Variants in ZIM2 observed in about 807,000 individuals in gnomAD.
The protein encoded by ZIM2 is zinc finger protein 656.
ZIM2 carries 14 observed loss-of-function variants against 38.6 expected under a neutral mutation model. The ratio of observed to expected loss-of-function variants is 0.36; its 90% confidence interval spans 0.24 to 0.57. The LOEUF (loss-of-function observed/expected upper bound fraction) is 0.57, where lower values mean the gene tolerates loss of function less well. Ranked by LOEUF, ZIM2 falls within the 20% of genes least tolerant of loss-of-function variation. The pLI, the probability that ZIM2 is intolerant of heterozygous loss-of-function variation, is 0.81. For synonymous variants in ZIM2, 247 were observed against 245.8 expected (o/e 1.00, Z -0.04); for missense variants, 680 against 695.1 (o/e 0.98, Z 0.24).
At chr19:56,835,264 C>T (rs1174428532) in intron 2 of ZIM2, among the ~76,000 whole-genome samples, 7 of 152,132 alleles carry the variant, frequency 4.6e-5, no homozygotes, top group African/African-American at 7.2e-5. Context: ...AAGCACTTCC[C>T]GCTGCACTTA....
chr19:56,838,589 G>A (rs780821137), intron 1 of ZIM2, among the ~76,000 whole-genome samples: 55 of 152,210 alleles, frequency 3.6e-4, no homozygotes, highest in Admixed American at 2.0e-4. Flanking sequence ...GCAACAACAG[G>A]GGAAGGGGTG....
intron 9 of ZIM2, among the ~76,000 whole-genome samples, chr19:56,803,143 G>A (rs1430477649): frequency 6.6e-6 from 1 of 152,136 alleles, no homozygotes; most frequent in Non-Finnish European, 1.5e-5. Context: ...AAAGAAAGGG[G>A]GCAGAAGGGC....
intron 9 of ZIM2, chr19:56,817,059 G>A: frequency 1.2e-6 from 2 of 1,614,112 alleles, no homozygotes; most frequent in Non-Finnish European, 1.7e-6. Context: ...AGATGACACT[G>A]AACGACCTCC....
Position 56,814,442 on chromosome 19 carries a change from A to T in ZIM2, c.490+3304T>A. 6.2e-7 allele frequency: 1 copy of T among 1,613,902 alleles called. No homozygotes were observed. Among genetic ancestry groups the T allele is most frequent in the Non-Finnish European group, 8.5e-7 (1 of 1,179,760 alleles). ...ATAAAGGACTTACCACAATCCTTGCATTCATAGAATGGTATAGCTCCTTTG... is the reference window on the plus strand; with the variant it reads ...ATAAAGGACTTACCACAATCCTTGCTTTCATAGAATGGTATAGCTCCTTTG... On this transcript the variant is annotated intron_variant, in intron 9 of 12. Transcript: ENST00000629319. The surrounding 1 kb of genome is among the most constrained non-coding windows in gnomAD (Gnocchi z 5.8).
intron 7 of ZIM2, 91 bp downstream of exon 7, chr19:56,821,560 G>T: frequency 1.3e-6 from 2 of 1,495,108 alleles, no homozygotes. Flanking sequence ...GGACTCTAGG[G>T]GGCAGATAAA....
At chr19:56,835,705 T>C (rs1212470116) in intron 2 of ZIM2, among the ~76,000 whole-genome samples, 1 of 152,246 alleles carries the variant, frequency 6.6e-6, no homozygotes, top group East Asian at 1.9e-4. Context: ...AGTACACACT[T>C]GATCAATATT....
chr19:56,818,823 G>A, intron 7 of ZIM2, 121 bp from the exon 8 acceptor site: 2 of 1,130,480 alleles, frequency 1.8e-6, no homozygotes, highest in East Asian at 4.8e-5. Flanking sequence ...TCACGGTATT[G>A]GGGTTCTGAG....
intron 12 of ZIM2, among the ~76,000 whole-genome samples, chr19:56,775,955 A>G (rs1348640875): frequency 6.6e-6 from 1 of 151,688 alleles, no homozygotes; most frequent in Non-Finnish European, 1.5e-5. Context: ...CAAAAAATTA[A>G]CTGGGCATGG....
chr19:56,776,100 CAAAA>C (rs56776253), intron 12 of ZIM2, among the ~76,000 whole-genome samples: 2 of 106,742 alleles, frequency 1.9e-5, no homozygotes, highest in African/African-American at 8.2e-5. Context: ...GACTCTGTCT[CAAAA>C]AAAAAAAAAA....
chr19:56,836,010 C>A lies in ZIM2; in HGVS notation c.-227+8G>T. 2.0e-6 allele frequency: 1 copy of A among 511,160 alleles called. No individual in the cohort carries two copies. Among genetic ancestry groups the A allele is most frequent in the South Asian group, 1.4e-5 (1 of 69,346 alleles). The allele number at this position is 511,160 out of a possible 1,614,324, so 31.7% of individuals were successfully genotyped here. A position where few individuals can be genotyped will look rare whatever the true frequency, so the allele number is the denominator to read the frequency against. ...AATGTGGCACTGTGAGGAGGAAATT[C>A]AACTCACCTGGACCCAGCCACCTAG... On this transcript the variant is annotated splice_region_variant and intron_variant, in intron 2 of 12. Transcript: ENST00000629319.
At chr19:56,813,043 T>A (rs2059646527) in intron 9 of ZIM2, 1 of 985,318 alleles carries the variant, frequency 1.0e-6, no homozygotes, top group South Asian at 4.7e-5. Context: ...AAAGCCATGT[T>A]ATCTATCATG....
At chr19:56,787,752 G>T in intron 10 of ZIM2, among the ~76,000 whole-genome samples, 1 of 134,800 alleles carries the variant, frequency 7.4e-6, no homozygotes, top group African/African-American at 2.8e-5. Flanking sequence ...ATTAATTACT[G>T]CCTCAATTTC....
At chr19:56,805,354 C>T (rs1482830230) in intron 9 of ZIM2, among the ~76,000 whole-genome samples, 1 of 152,144 alleles carries the variant, frequency 6.6e-6, no homozygotes, top group Non-Finnish European at 1.5e-5. Flanking sequence ...TGGGAAGGGC[C>T]AGGCACGCAA....
At chr19:56,812,940 G>C in intron 9 of ZIM2, 1 of 985,668 alleles carries the variant, frequency 1.0e-6, no homozygotes, top group Non-Finnish European at 1.2e-6. Flanking sequence ...ATATTGTAAA[G>C]CCTTACACAG....
At chr19:56,830,204 A>T (rs1001342992) in intron 2 of ZIM2, among the ~76,000 whole-genome samples, 1 of 152,230 alleles carries the variant, frequency 6.6e-6, no homozygotes, top group South Asian at 2.1e-4. Flanking sequence ...GGTGTTCAAT[A>T]AACATTATTT....
intron 10 of ZIM2, 36 bp downstream of exon 10, chr19:56,789,836 T>A: frequency 1.3e-6 from 2 of 1,482,836 alleles, no homozygotes; most frequent in Non-Finnish European, 1.8e-6. Flanking sequence ...AAGATCCCCA[T>A]ATTTGATAAC....
intron 2 of ZIM2, among the ~76,000 whole-genome samples, chr19:56,830,327 C>A (rs968379381): frequency 5.9e-5 from 9 of 152,172 alleles, no homozygotes; most frequent in African/African-American, 2.2e-4. Context: ...TCAGGGTAAA[C>A]TGTTACATAA....
intron 9 of ZIM2, among the ~76,000 whole-genome samples, chr19:56,796,633 G>C (rs2047244074): frequency 6.6e-6 from 1 of 152,220 alleles, no homozygotes; most frequent in Non-Finnish European, 1.5e-5. Flanking sequence ...ACTGGGGTGA[G>C]CTTGCTCAGT....
At chr19:56,832,809 C>T (rs2061699777) in intron 2 of ZIM2, among the ~76,000 whole-genome samples, 2 of 152,198 alleles carry the variant, frequency 1.3e-5, no homozygotes, top group Non-Finnish European at 2.9e-5. Context: ...AAACATGAAA[C>T]CTCTCTGTAT....
Sources: allele counts gnomAD v4.1 joint callset (sites outside exome capture counted in the v4.1 genomes callset), GRCh38; gene constraint gnomAD v4.1.1; non-coding constraint Gnocchi (gnomAD v3.1); transcripts MANE v1.5; gene names NCBI Gene and HGNC (gene_info 2026-07-23, HGNC 2026-07-21).